The following NEBL variants were observed in gnomAD, a reference collection of about 807,000 sequenced individuals.
NEBL encodes the protein nebulette.
NEBL carries 122 observed loss-of-function variants against 140.2 expected under a neutral mutation model. That is an observed-to-expected ratio of 0.87 (90% CI 0.75 to 1.01). The LOEUF is 1.01. Ranked by LOEUF, NEBL falls within the 50% of genes least tolerant of loss-of-function variation. The probability of loss-of-function intolerance (pLI) is 0.00; values close to 1 mark genes in which losing one functional copy is unlikely to be tolerated. For synonymous variants in NEBL, 436 were observed against 398.9 expected (o/e 1.09, Z -1.11); for missense variants, 1,365 against 1,231.3 (o/e 1.11, Z -1.62).
chr10:21,043,403 A>C (rs1834356545), intron 2 of NEBL, among the ~76,000 whole-genome samples: 1 of 152,226 alleles, frequency 6.6e-6, no homozygotes, highest in Non-Finnish European at 1.5e-5. Context: ...TGTGCTTTCT[A>C]TGCACAATAA....
intron 3 of NEBL, among the ~76,000 whole-genome samples, chr10:21,181,707 C>A (rs751288878): frequency 2.6e-5 from 4 of 152,230 alleles, no homozygotes; most frequent in Non-Finnish European, 4.4e-5. Flanking sequence ...GCACAGGTTT[C>A]CTTGCCCACA....
At chr10:21,047,080 G>T (rs1834554221) in intron 2 of NEBL, among the ~76,000 whole-genome samples, 1 of 152,174 alleles carries the variant, frequency 6.6e-6, no homozygotes, top group African/African-American at 2.4e-5. Context: ...TTACTGCCAT[G>T]CAGACTTTCC....
At chr10:21,155,060 G>T (rs758837435) in intron 2 of NEBL, among the ~76,000 whole-genome samples, 76 of 152,080 alleles carry the variant, frequency 5.0e-4, no homozygotes, top group Admixed American at 1.6e-3. Flanking sequence ...TTAGCCAGGG[G>T]TGATGGTGCA....
intron 3 of NEBL, among the ~76,000 whole-genome samples, chr10:21,001,645 T>G (rs1564476136): frequency 6.6e-6 from 1 of 151,596 alleles, no homozygotes; most frequent in African/African-American, 2.4e-5. Flanking sequence ...TTTTTTTTTG[T>G]CTTTAGCCCA....
chr10:20,831,086 T>C (rs1836315242), intron 16 of NEBL, 110 bp downstream of exon 16: 1 of 818,012 alleles, frequency 1.2e-6, no homozygotes, highest in Admixed American at 1.9e-5. Flanking sequence ...AAGAGTACAC[T>C]AGCTCTGAAT....
At chr10:20,990,951 A>T (rs985182827) in intron 3 of NEBL, among the ~76,000 whole-genome samples, 16 of 152,144 alleles carry the variant, frequency 1.1e-4, no homozygotes, top group African/African-American at 3.9e-4. Context: ...TACTCAGTCC[A>T]CAAACCTGGG....
chr10:21,069,599 A>G (rs1835723919), intron 2 of NEBL, among the ~76,000 whole-genome samples: 2 of 152,182 alleles, frequency 1.3e-5, no homozygotes, highest in Non-Finnish European at 2.9e-5. Context: ...ATCCTTCCAC[A>G]TTGAAGCATT....
At chr10:21,291,439 G>A (rs573549745) in intron 1 of NEBL, among the ~76,000 whole-genome samples, 44 of 151,690 alleles carry the variant, frequency 2.9e-4, no homozygotes, top group African/African-American at 1.1e-3. Flanking sequence ...CCAGGAGGCA[G>A]GAGTTGCAGT....
At chr10:20,786,490 A>G (rs1835419092) in intron 27 of NEBL, among the ~76,000 whole-genome samples, 1 of 152,240 alleles carries the variant, frequency 6.6e-6, no homozygotes, top group Non-Finnish European at 1.5e-5. Context: ...TTATGATTAT[A>G]ATGAGTTTTC....
At chr10:21,091,118 G>C (rs1435130864) in intron 2 of NEBL, among the ~76,000 whole-genome samples, 1 of 152,114 alleles carries the variant, frequency 6.6e-6, no homozygotes, top group Non-Finnish European at 1.5e-5. Context: ...ACTGTGAACT[G>C]GGTTCAAGCC....
chr10:21,267,895 G>T (rs546272002), intron 1 of NEBL, among the ~76,000 whole-genome samples: 51 of 152,302 alleles, frequency 3.3e-4, no homozygotes, highest in Middle Eastern at 3.4e-3. Flanking sequence ...GGACAGAGCT[G>T]CTCTATAATT....
Sources: allele counts gnomAD v4.1 joint callset (sites outside exome capture counted in the v4.1 genomes callset), GRCh38; gene constraint gnomAD v4.1.1; transcripts MANE v1.5; gene names NCBI Gene and HGNC (gene_info 2026-07-23, HGNC 2026-07-21).